The following TMTC2 variants were observed in gnomAD, a reference collection of about 807,000 sequenced individuals.
The protein encoded by TMTC2 is transmembrane O-mannosyltransferase targeting cadherins 2.
Under a neutral mutation model 82.4 loss-of-function variants are expected in TMTC2, and 43 were observed. That is an observed-to-expected ratio of 0.52 (90% CI 0.41 to 0.67). The LOEUF (loss-of-function observed/expected upper bound fraction) is 0.67. Among genes scored for constraint, TMTC2 ranks in the 30% least tolerant of loss-of-function variants. The probability of loss-of-function intolerance (pLI) is 0.00; values close to 1 mark genes in which losing one functional copy is unlikely to be tolerated. For missense variants in TMTC2, 919 were observed against 1,012.4 expected (o/e 0.91, Z 1.25); for synonymous variants, 408 against 381.9 (o/e 1.07, Z -0.80).
At chr12:82,968,713 A>T (rs1356246071) in intron 7 of TMTC2, among the ~76,000 whole-genome samples, 1 of 152,178 alleles carries the variant, frequency 6.6e-6, no homozygotes, top group Non-Finnish European at 1.5e-5. Flanking sequence ...ATGTGAATAA[A>T]TTTGAAAATT....
intron 1 of TMTC2, among the ~76,000 whole-genome samples, chr12:82,823,309 T>G (rs2137065992): frequency 6.6e-6 from 1 of 152,362 alleles, no homozygotes; most frequent in South Asian, 2.1e-4. Flanking sequence ...TATCTTCTGC[T>G]AATATGTACA....
chr12:82,959,039 A>G (rs958432065), intron 4 of TMTC2, among the ~76,000 whole-genome samples: 2 of 152,278 alleles, frequency 1.3e-5, no homozygotes, highest in East Asian at 1.9e-4. Context: ...AATAATATTC[A>G]AGCTGAGAGG....
chr12:82,865,921 T>C (rs1198713716), intron 2 of TMTC2, among the ~76,000 whole-genome samples: 2 of 152,066 alleles, frequency 1.3e-5, no homozygotes, highest in Non-Finnish European at 2.9e-5. Flanking sequence ...ACTGGGTACA[T>C]AACGAAATGA....
At chr12:83,115,822 G>A (rs929654227) in intron 11 of TMTC2, among the ~76,000 whole-genome samples, 1 of 151,928 alleles carries the variant, frequency 6.6e-6, no homozygotes, top group African/African-American at 2.4e-5. Context: ...ACAAGTCTCA[G>A]TGTTGCCCAA....
chr12:83,012,781 G>C (rs1035236634), intron 8 of TMTC2, among the ~76,000 whole-genome samples: 1 of 152,096 alleles, frequency 6.6e-6, no homozygotes, highest in Non-Finnish European at 1.5e-5. Flanking sequence ...AACAGTGGTC[G>C]TGATGTTAAT....
Position 82,761,195 on chromosome 12 carries a change from T to C in TMTC2, c.83+73526T>C, listed in dbSNP as rs572589462. On this transcript the variant is annotated intron_variant, in intron 1 of 11. Transcript: ENST00000321196. ...GGAGCAGTGTGATCTTGATCAAGTT[T>C]GTTAGCTTCTGAGTCTGCATTTTCT... is the stretch of plus-strand genomic sequence containing the variant. Among the ~76,000 whole-genome samples the C allele has an allele frequency of 7.2e-5, 11 of 152,300 alleles. No individual in the cohort carries two copies. In the South Asian group the frequency reaches 1.7e-3, roughly 23 times the overall value.
intron 3 of TMTC2, among the ~76,000 whole-genome samples, chr12:82,904,913 C>T (rs1351612394): frequency 2.6e-5 from 4 of 151,712 alleles, no homozygotes; most frequent in Non-Finnish European, 4.4e-5. Context: ...CTCCAATTTC[C>T]GACAGCTTTC....
intron 4 of TMTC2, among the ~76,000 whole-genome samples, chr12:82,961,738 T>C (rs889612676): frequency 6.6e-6 from 1 of 152,056 alleles, no homozygotes; most frequent in African/African-American, 2.4e-5. Context: ...ATTCCTGGGC[T>C]GGGTAATGTT....
At chr12:82,694,548 T>C (rs1872709449) in intron 1 of TMTC2, among the ~76,000 whole-genome samples, 1 of 152,218 alleles carries the variant, frequency 6.6e-6, no homozygotes, top group Admixed American at 6.5e-5. Flanking sequence ...CGGGGCATTT[T>C]GTGATGTTGC....
chr12:83,072,428 G>T (rs1883151139), intron 11 of TMTC2, among the ~76,000 whole-genome samples: 2 of 152,008 alleles, frequency 1.3e-5, no homozygotes, highest in African/African-American at 4.8e-5. Context: ...CTATCATATG[G>T]TCTGTTTTGG....
At chr12:83,069,828 G>A (rs1318951381) in intron 11 of TMTC2, among the ~76,000 whole-genome samples, 1 of 151,586 alleles carries the variant, frequency 6.6e-6, no homozygotes, top group Non-Finnish European at 1.5e-5. Context: ...TCAGGTCTTA[G>A]GTTTAAGTCC....
At chr12:83,005,135 C>T (rs988259968) in intron 8 of TMTC2, among the ~76,000 whole-genome samples, 11 of 146,132 alleles carry the variant, frequency 7.5e-5, no homozygotes, top group South Asian at 2.2e-4. Flanking sequence ...ACTCGGGAGG[C>T]GGAGGTTGTA....
chr12:82,855,230 G>A (rs1384695062), intron 1 of TMTC2, among the ~76,000 whole-genome samples: 1 of 152,158 alleles, frequency 6.6e-6, no homozygotes, highest in Non-Finnish European at 1.5e-5. Flanking sequence ...TATTTCCACT[G>A]GTGAGATCAC....
At chr12:83,070,481 G>C (rs1375149571) in intron 11 of TMTC2, among the ~76,000 whole-genome samples, 1 of 151,270 alleles carries the variant, frequency 6.6e-6, no homozygotes, top group Non-Finnish European at 1.5e-5. Context: ...TTCTTGATTT[G>C]ATTCTTTGCT....
chr12:82,969,635 G>A (rs769331734), intron 7 of TMTC2, among the ~76,000 whole-genome samples: 3 of 152,070 alleles, frequency 2.0e-5, no homozygotes, highest in African/African-American at 7.2e-5. Flanking sequence ...AATGCCAAGT[G>A]AATGTGTTTT....
At chr12:82,937,762 A>G (rs1398294442) in intron 4 of TMTC2, among the ~76,000 whole-genome samples, 821 of 18,584 alleles carry the variant, frequency 0.044, 19 homozygotes, top group African/African-American at 0.14. Context: ...ATATATATAT[A>G]TATATATATA....
chr12:83,001,356 G>C (rs1356581861), intron 8 of TMTC2, among the ~76,000 whole-genome samples: 1 of 151,932 alleles, frequency 6.6e-6, no homozygotes, highest in East Asian at 1.9e-4. Context: ...TCCACCTTAG[G>C]GCCCAGCACG....
chr12:83,088,816 C>T (rs1883747282), intron 11 of TMTC2, among the ~76,000 whole-genome samples: 2 of 152,092 alleles, frequency 1.3e-5, no homozygotes, highest in Non-Finnish European at 1.5e-5. Flanking sequence ...ATATACACAC[C>T]TGTGCCCAAA....
chr12:83,090,678 T>C (rs1253522408), intron 11 of TMTC2, among the ~76,000 whole-genome samples: 1 of 152,174 alleles, frequency 6.6e-6, no homozygotes, highest in Non-Finnish European at 1.5e-5. Context: ...GTATTGGCCC[T>C]TTCCATGCTC....
Sources: allele counts gnomAD v4.1 joint callset (sites outside exome capture counted in the v4.1 genomes callset), GRCh38; gene constraint gnomAD v4.1.1; transcripts MANE v1.5; gene names NCBI Gene and HGNC (gene_info 2026-07-23, HGNC 2026-07-21).